PCDH9: variants seen among roughly 807,000 people sequenced by gnomAD.
The protein encoded by PCDH9 is protocadherin 9.
In PCDH9, 24 loss-of-function variants were observed where a neutral mutation model predicts 70.6. The ratio of observed to expected loss-of-function variants is 0.34; its 90% CI spans 0.25 to 0.48. The LOEUF is 0.48. Among genes scored for constraint, PCDH9 ranks in the 20% least tolerant of loss-of-function variants. PCDH9 has a pLI of 0.99. For synonymous variants in PCDH9, 562 were observed against 558.5 expected (o/e 1.01, Z -0.09); for missense variants, 1,281 against 1,503.6 (o/e 0.85, Z 2.45).
intron 2 of PCDH9, among the ~76,000 whole-genome samples, chr13:66,944,589 C>A (rs2083056935): frequency 6.6e-6 from 1 of 152,024 alleles, no homozygotes; most frequent in East Asian, 1.9e-4. Context: ...AAAGTTTGAT[C>A]CCTCCCATTC....
chr13:66,411,640 A>C (rs1029971885), intron 4 of PCDH9, among the ~76,000 whole-genome samples: 2 of 145,058 alleles, frequency 1.4e-5, no homozygotes, highest in South Asian at 2.1e-4. Context: ...AGATATATAG[A>C]TGATGGATAG....
intron 2 of PCDH9, among the ~76,000 whole-genome samples, chr13:67,168,084 G>A (rs1216898250): frequency 2.0e-5 from 3 of 152,260 alleles, no homozygotes; most frequent in East Asian, 3.9e-4. Flanking sequence ...AAAACATACT[G>A]ATAAAGGTAA....
chr13:66,418,986 T>C (rs957885789), intron 4 of PCDH9, among the ~76,000 whole-genome samples: 2 of 152,044 alleles, frequency 1.3e-5, no homozygotes, highest in African/African-American at 4.8e-5. Context: ...CTATAAAATC[T>C]AGAAGAAATG....
chr13:66,938,658 T>C (rs1566306504), intron 2 of PCDH9, among the ~76,000 whole-genome samples: 1 of 152,188 alleles, frequency 6.6e-6, no homozygotes, highest in Non-Finnish European at 1.5e-5. Context: ...GGAAATTTAT[T>C]TCCTTCTTAG....
At chr13:66,371,680 G>A (rs1956656672) in intron 4 of PCDH9, among the ~76,000 whole-genome samples, 1 of 152,012 alleles carries the variant, frequency 6.6e-6, no homozygotes, top group South Asian at 2.1e-4. Flanking sequence ...ACAGATTAAA[G>A]TAGCTCTTAA....
At chr13:66,737,631 G>C (rs558882802) in intron 3 of PCDH9, among the ~76,000 whole-genome samples, 1 of 152,174 alleles carries the variant, frequency 6.6e-6, no homozygotes, top group Non-Finnish European at 1.5e-5. Context: ...GCAGGCCAGT[G>C]GGTGCGCGCA....
chr13:66,744,769 G>C lies in PCDH9; in HGVS notation c.3139-113358C>G, dbSNP rs571044032. On this transcript the variant is annotated intron_variant, in intron 3 of 4. Coordinates refer to ENST00000377865, the MANE Select transcript of PCDH9 (RefSeq NM_203487.3). ...GAGTTTTAGACTGAAAGGAAATACGGTTTCTGGTCCCAGCTGGCCCACTGA... is the reference window on the plus strand; with the variant it reads ...GAGTTTTAGACTGAAAGGAAATACGCTTTCTGGTCCCAGCTGGCCCACTGA... Among the ~76,000 whole-genome samples the C allele has an allele frequency of 3.7e-3, 558 of 152,150 alleles. 1 individual carries two copies. The highest frequency in any genetic ancestry group is 6.3e-3 in the Non-Finnish European group (427 of 67,992).
chr13:66,631,973 A>C (rs2077577976), intron 3 of PCDH9, among the ~76,000 whole-genome samples: 1 of 152,142 alleles, frequency 6.6e-6, no homozygotes, highest in South Asian at 2.1e-4. Flanking sequence ...GGCTCACTGC[A>C]ACTTCTGCCT....
At chr13:66,829,104 G>A (rs977532062) in intron 3 of PCDH9, among the ~76,000 whole-genome samples, 17 of 152,000 alleles carry the variant, frequency 1.1e-4, no homozygotes, top group Admixed American at 8.5e-4. Flanking sequence ...TGCAACCTCC[G>A]CCTCCTGGGT....
chr13:67,006,434 C>T (rs564088266), intron 2 of PCDH9, among the ~76,000 whole-genome samples: 1 of 152,210 alleles, frequency 6.6e-6, no homozygotes, highest in South Asian at 2.1e-4. Context: ...CAGAATTACC[C>T]GAATAATGTA....
At chr13:66,442,722 T>A (rs903042147) in intron 4 of PCDH9, among the ~76,000 whole-genome samples, 1 of 152,120 alleles carries the variant, frequency 6.6e-6, no homozygotes, top group African/African-American at 2.4e-5. Context: ...GATAATATTA[T>A]GGGGACAGTA....
chr13:66,933,714 C>G (rs540804185), intron 2 of PCDH9, among the ~76,000 whole-genome samples: 1 of 152,124 alleles, frequency 6.6e-6, no homozygotes, highest in East Asian at 1.9e-4. Context: ...GCAAACAAGG[C>G]AAGGAAAAGT....
At chr13:66,700,154 GC>G (rs1173328844) in intron 3 of PCDH9, among the ~76,000 whole-genome samples, 8 of 147,360 alleles carry the variant, frequency 5.4e-5, no homozygotes, top group Non-Finnish European at 1.2e-4. Context: ...CACCTGTATT[GC>G]CAACACTAAT....
chr13:67,012,575 T>C (rs945525527), intron 2 of PCDH9, among the ~76,000 whole-genome samples: 3 of 151,928 alleles, frequency 2.0e-5, no homozygotes, highest in Admixed American at 1.3e-4. Flanking sequence ...ACCCAGTTAA[T>C]ACTATTAATG....
chr13:66,737,678 A>C (rs2079175354), intron 3 of PCDH9, among the ~76,000 whole-genome samples: 1 of 152,202 alleles, frequency 6.6e-6, no homozygotes, highest in Admixed American at 6.5e-5. Flanking sequence ...GCATTGCCTC[A>C]CCTGGGAAGC....
chr13:67,001,992 GA>G (rs2084254952), intron 2 of PCDH9: 1 of 152,122 alleles, frequency 6.6e-6, no homozygotes, highest in Non-Finnish European at 1.5e-5. Flanking sequence ...TTGATTATGT[GA>G]AATAGTACCA....
intron 2 of PCDH9, chr13:67,211,284 C>T (rs1398202420): frequency 6.6e-6 from 1 of 151,878 alleles, no homozygotes; most frequent in East Asian, 1.9e-4. Context: ...TGATAGTTGC[C>T]TAAGCCTAAG....
chr13:66,844,059 G>A (rs560064147), intron 3 of PCDH9, among the ~76,000 whole-genome samples: 2 of 152,016 alleles, frequency 1.3e-5, no homozygotes, highest in African/African-American at 2.4e-5. Flanking sequence ...ATGAAAAATG[G>A]GGAGTGAGTA....
At chr13:66,765,291 T>C (rs1023372793) in intron 3 of PCDH9, among the ~76,000 whole-genome samples, 3 of 151,896 alleles carry the variant, frequency 2.0e-5, no homozygotes, top group South Asian at 2.1e-4. Flanking sequence ...GGATACCTCA[T>C]AGATATTACA....
Sources: allele counts gnomAD v4.1 joint callset (sites outside exome capture counted in the v4.1 genomes callset), GRCh38; gene constraint gnomAD v4.1.1; transcripts MANE v1.5; gene names NCBI Gene and HGNC (gene_info 2026-07-23, HGNC 2026-07-21).